The following NAV3 variants were observed in gnomAD, a reference collection of about 807,000 sequenced individuals.
NAV3 encodes pore membrane and/or filament interacting like protein 1.
NAV3 carries 87 observed loss-of-function variants against 244.7 expected under a neutral mutation model. The ratio of observed to expected loss-of-function variants is 0.36; its 90% CI spans 0.30 to 0.42. The LOEUF (loss-of-function observed/expected upper bound fraction) is 0.42. NAV3 is among the 20% of genes least tolerant of loss of function. The pLI, the probability that NAV3 is intolerant of heterozygous loss-of-function variation, is 1.00. For synonymous variants in NAV3, 1,126 were observed against 1,042.2 expected (o/e 1.08, Z -1.55); for missense variants, 2,663 against 2,893.3 (o/e 0.92, Z 1.83).
intron 1 of NAV3, among the ~76,000 whole-genome samples, chr12:77,917,042 T>C (rs368065259): frequency 6.6e-6 from 1 of 151,990 alleles, no homozygotes. Context: ...AGCATTATTA[T>C]ATAAAAATCA....
intron 2 of NAV3, among the ~76,000 whole-genome samples, chr12:77,721,173 A>C (rs1405892): frequency 0.56 from 85,160 of 151,884 alleles, 24,236 homozygotes; most frequent in East Asian, 0.83. Context: ...TCTTTCATTT[A>C]TGAAGTGTGG....
chr12:78,058,750 A>T (rs1370791365), intron 11 of NAV3, among the ~76,000 whole-genome samples: 1 of 152,192 alleles, frequency 6.6e-6, no homozygotes, highest in Non-Finnish European at 1.5e-5. Context: ...TAGGCTAGTT[A>T]CTTGTCGCAG....
chr12:77,871,789 T>C (rs531171816), intron 1 of NAV3, among the ~76,000 whole-genome samples: 35 of 152,316 alleles, frequency 2.3e-4, no homozygotes, highest in African/African-American at 7.2e-4. Flanking sequence ...TGATAATCCA[T>C]TGGGTACGTA....
intron 2 of NAV3, among the ~76,000 whole-genome samples, chr12:77,818,968 G>A (rs6538373): frequency 0.67 from 101,604 of 151,814 alleles, 34,177 homozygotes; most frequent in African/African-American, 0.74. Flanking sequence ...TATTAATTAT[G>A]CTAGTTGTTG....
At chr12:78,040,330 A>G (rs150030767) in intron 9 of NAV3, among the ~76,000 whole-genome samples, 45 of 152,300 alleles carry the variant, frequency 3.0e-4, no homozygotes, top group African/African-American at 1.1e-3. Context: ...GCAGTGTCAT[A>G]AGTGAATGTC....
intron 2 of NAV3, among the ~76,000 whole-genome samples, chr12:77,820,760 C>G (rs1223031536): frequency 6.6e-6 from 1 of 152,078 alleles, no homozygotes; most frequent in African/African-American, 2.4e-5. Context: ...TGGTTTTGTT[C>G]AGTGGAATAA....
intron 1 of NAV3, among the ~76,000 whole-genome samples, chr12:77,867,156 G>C (rs908161073): frequency 2.0e-5 from 3 of 152,118 alleles, no homozygotes; most frequent in African/African-American, 7.2e-5. Context: ...GGAGGGACCC[G>C]GTGGGAGATA....
chr12:77,718,251 A>T (rs187427473), intron 2 of NAV3, among the ~76,000 whole-genome samples: 1 of 152,196 alleles, frequency 6.6e-6, no homozygotes, highest in East Asian at 1.9e-4. Context: ...AATTTTTTGT[A>T]CTGTGTACAA....
chr12:77,902,684 G>C (rs1885449073), intron 1 of NAV3, among the ~76,000 whole-genome samples: 1 of 152,068 alleles, frequency 6.6e-6, no homozygotes, highest in Non-Finnish European at 1.5e-5. Context: ...ATTCAATTAG[G>C]AAAAGAGGAA....
At chr12:77,779,588 A>G (rs1002777556) in intron 2 of NAV3, among the ~76,000 whole-genome samples, 1 of 152,192 alleles carries the variant, frequency 6.6e-6, no homozygotes, top group Non-Finnish European at 1.5e-5. Context: ...ACTTATTTAT[A>G]TAATTTAAAA....
intron 5 of NAV3, among the ~76,000 whole-genome samples, chr12:77,979,698 C>A (rs12302492): frequency 0.068 from 5,202 of 76,414 alleles, 300 homozygotes; most frequent in African/African-American, 0.19. Flanking sequence ...AGATGTGAAA[C>A]GAAAAAAAAA....
intron 1 of NAV3, among the ~76,000 whole-genome samples, chr12:77,877,632 G>A (rs903972645): frequency 2.0e-5 from 3 of 152,076 alleles, no homozygotes; most frequent in East Asian, 3.9e-4. Context: ...AATAAATGGG[G>A]ATAATAGACC....
chr12:77,773,987 T>C (rs1280821706), intron 2 of NAV3, among the ~76,000 whole-genome samples: 1 of 152,110 alleles, frequency 6.6e-6, no homozygotes, highest in Non-Finnish European at 1.5e-5. Context: ...AAAAAATTAT[T>C]TTTTTATACT....
intron 2 of NAV3, among the ~76,000 whole-genome samples, chr12:77,736,361 A>G (rs1470139090): frequency 6.6e-6 from 1 of 152,198 alleles, no homozygotes; most frequent in African/African-American, 2.4e-5. Context: ...TCAAAACAGT[A>G]TCATTTTATT....
intron 6 of NAV3, among the ~76,000 whole-genome samples, chr12:77,995,600 A>G (rs1238230632): frequency 6.6e-6 from 1 of 152,116 alleles, no homozygotes; most frequent in Non-Finnish European, 1.5e-5. Context: ...GCAGTGGTTT[A>G]TTCATTACTG....
At chr12:78,160,416 T>C (rs942209691) in intron 23 of NAV3, among the ~76,000 whole-genome samples, 8 of 139,274 alleles carry the variant, frequency 5.7e-5, no homozygotes, top group African/African-American at 2.1e-4. Context: ...TGTGTGTGTG[T>C]GTGTGTGTAT....
At chr12:77,948,314 A>G (rs1384321933) in intron 3 of NAV3, among the ~76,000 whole-genome samples, 7 of 152,168 alleles carry the variant, frequency 4.6e-5, no homozygotes, top group African/African-American at 1.7e-4. Context: ...AATATGATAA[A>G]TAGAAATTGG....
chr12:78,178,304 C>G (rs370975034), intron 28 of NAV3, among the ~76,000 whole-genome samples: 1 of 151,568 alleles, frequency 6.6e-6, no homozygotes, highest in African/African-American at 2.4e-5. Flanking sequence ...GGTTTACAGG[C>G]GTGCACCACC....
intron 12 of NAV3, among the ~76,000 whole-genome samples, chr12:78,111,923 G>T (rs1314045529): frequency 1.3e-5 from 2 of 152,232 alleles, no homozygotes; most frequent in South Asian, 2.1e-4. Flanking sequence ...ATATAGTAAA[G>T]AAATATATAT....
Sources: allele counts gnomAD v4.1 joint callset (sites outside exome capture counted in the v4.1 genomes callset), GRCh38; gene constraint gnomAD v4.1.1; transcripts MANE v1.5; gene names NCBI Gene and HGNC (gene_info 2026-07-23, HGNC 2026-07-21).